The following PDE11A variants were observed in gnomAD, a reference collection of about 807,000 sequenced individuals.
PDE11A encodes the protein phosphodiesterase 11A.
A neutral mutation model predicts 100.5 loss-of-function variants in PDE11A; 100 were observed. The observed-to-expected ratio is 1.00, with a 90% CI of 0.85 to 1.18. The LOEUF (loss-of-function observed/expected upper bound fraction) is 1.18. Ranked by LOEUF, PDE11A falls within the 50% of genes most tolerant of loss-of-function variation. The pLI, the probability that PDE11A is intolerant of heterozygous loss-of-function variation, is 0.00. For synonymous variants in PDE11A, 381 were observed against 420.8 expected (o/e 0.91, Z 1.16); for missense variants, 1,141 against 1,152.6 (o/e 0.99, Z 0.15).
chr2:177,890,197 G>A (rs536330632), intron 4 of PDE11A, among the ~76,000 whole-genome samples: 59 of 152,220 alleles, frequency 3.9e-4, no homozygotes, highest in Non-Finnish European at 4.6e-4. Context: ...ATCTTCATCT[G>A]GCCAAGATAA....
intron 15 of PDE11A, among the ~76,000 whole-genome samples, chr2:177,686,225 G>A (rs1355510856): frequency 6.6e-6 from 1 of 152,156 alleles, no homozygotes; most frequent in East Asian, 1.9e-4. Context: ...AATCTTTCTG[G>A]ATAATAGGAA....
At chr2:177,853,432 A>G (rs1463715416) in intron 5 of PDE11A, among the ~76,000 whole-genome samples, 1 of 151,488 alleles carries the variant, frequency 6.6e-6, no homozygotes, top group Non-Finnish European at 1.5e-5. Flanking sequence ...GAGATGTTAA[A>G]TGTTTTTGAC....
At chr2:178,027,946 A>C (rs933428946) in intron 1 of PDE11A, among the ~76,000 whole-genome samples, 2 of 152,120 alleles carry the variant, frequency 1.3e-5, no homozygotes, top group Non-Finnish European at 2.9e-5. Context: ...AAACTATTAA[A>C]CCAGTAAATA....
chr2:177,791,086 A>G (rs78908634), intron 9 of PDE11A, among the ~76,000 whole-genome samples: 11,324 of 152,246 alleles, frequency 0.074, 534 homozygotes, highest in South Asian at 0.15. Context: ...ACACATGCAC[A>G]TGTATGTTTA....
chr2:177,760,721 TC>T (rs2082156341), intron 10 of PDE11A, among the ~76,000 whole-genome samples: 1 of 152,188 alleles, frequency 6.6e-6, no homozygotes, highest in Non-Finnish European at 1.5e-5. Context: ...CTTGCTCTTG[TC>T]TTACTGTGTC....
intron 13 of PDE11A, among the ~76,000 whole-genome samples, chr2:177,706,756 T>C (rs149177572): frequency 1.3e-5 from 2 of 152,198 alleles, no homozygotes; most frequent in Non-Finnish European, 2.9e-5. Flanking sequence ...TACCTTGGAA[T>C]AGGCAGATTT....
intron 1 of PDE11A, among the ~76,000 whole-genome samples, chr2:178,026,177 A>C (rs1378470976): frequency 6.6e-6 from 1 of 152,182 alleles, no homozygotes; most frequent in African/African-American, 2.4e-5. Context: ...ACAACCCGAA[A>C]AGTGGCCCAA....
intron 2 of PDE11A, among the ~76,000 whole-genome samples, chr2:177,950,649 C>T (rs377280924): frequency 2.7e-4 from 41 of 152,348 alleles, no homozygotes; most frequent in Admixed American, 2.2e-3. Flanking sequence ...GTCCTTCTCA[C>T]GCCTGTAATC....
chr2:177,860,977 C>G (rs2083935285), intron 5 of PDE11A, among the ~76,000 whole-genome samples: 1 of 151,730 alleles, frequency 6.6e-6, no homozygotes, highest in South Asian at 2.1e-4. Context: ...AAATGCACAG[C>G]TAACACAGTA....
intron 2 of PDE11A, among the ~76,000 whole-genome samples, chr2:177,944,778 G>A (rs1377411234): frequency 1.4e-5 from 2 of 146,386 alleles, no homozygotes; most frequent in African/African-American, 2.5e-5. Context: ...CTCGGTCCCA[G>A]TTTGGACAGA....
intron 10 of PDE11A, among the ~76,000 whole-genome samples, chr2:177,741,865 A>G (rs2081875827): frequency 6.6e-6 from 1 of 152,076 alleles, no homozygotes. Flanking sequence ...GCAAGATCCT[A>G]TCTGTACAGA....
intron 9 of PDE11A, among the ~76,000 whole-genome samples, chr2:177,778,346 C>T (rs1305317423): frequency 6.6e-6 from 1 of 152,136 alleles, no homozygotes; most frequent in Non-Finnish European, 1.5e-5. Flanking sequence ...TTTGGGCAGC[C>T]ATTTGCTCCT....
chr2:177,630,559 T>C (rs1392441047), intron 19 of PDE11A, among the ~76,000 whole-genome samples: 3 of 152,174 alleles, frequency 2.0e-5, no homozygotes, highest in Non-Finnish European at 2.9e-5. Context: ...TAAAGAGCAA[T>C]AGGTAAATAT....
intron 6 of PDE11A, among the ~76,000 whole-genome samples, chr2:177,829,200 G>A (rs1308066518): frequency 5.3e-5 from 8 of 151,778 alleles, no homozygotes; most frequent in Admixed American, 5.3e-4. Context: ...AGGCTTGGGG[G>A]GCAGGAGACT....
intron 9 of PDE11A, among the ~76,000 whole-genome samples, chr2:177,799,303 A>G (rs886155968): frequency 1.3e-5 from 2 of 152,196 alleles, no homozygotes; most frequent in Non-Finnish European, 2.9e-5. Flanking sequence ...GGAAATATGA[A>G]TCAAGTATGG....
At chr2:177,794,595 G>C (rs1415923724) in intron 9 of PDE11A, among the ~76,000 whole-genome samples, 1 of 152,072 alleles carries the variant, frequency 6.6e-6, no homozygotes, top group African/African-American at 2.4e-5. Flanking sequence ...CCTCATTTCT[G>C]TTAAGCTCAG....
At chr2:177,983,304 A>C (rs978557711) in intron 2 of PDE11A, among the ~76,000 whole-genome samples, 21 of 152,170 alleles carry the variant, frequency 1.4e-4, no homozygotes, top group African/African-American at 4.8e-4. Context: ...GCACTTCTTA[A>C]AGAAACTTAA....
chr2:178,069,679 C>A (rs2087099749), intron 1 of PDE11A, among the ~76,000 whole-genome samples: 1 of 152,102 alleles, frequency 6.6e-6, no homozygotes, highest in African/African-American at 2.4e-5. Context: ...GTAGAGCCCA[C>A]AGGAAGCATC....
At chr2:178,082,324 A>AT (rs1186259183) in intron 2 of PDE11A, among the ~76,000 whole-genome samples, 5 of 152,224 alleles carry the variant, frequency 3.3e-5, no homozygotes, top group African/African-American at 1.2e-4. Flanking sequence ...GTTATCATTA[A>AT]TTTAGCCACC....
Sources: allele counts gnomAD v4.1 joint callset (sites outside exome capture counted in the v4.1 genomes callset), GRCh38; gene constraint gnomAD v4.1.1; transcripts MANE v1.5; gene names NCBI Gene and HGNC (gene_info 2026-07-23, HGNC 2026-07-21).